The following GRIN2A variants were observed in gnomAD, a reference collection of about 807,000 sequenced individuals.
GRIN2A encodes glutamate receptor ionotropic, NMDA 2A.
GRIN2A carries 22 observed loss-of-function variants against 113.4 expected under a neutral mutation model. The ratio of observed to expected loss-of-function variants is 0.19; its 90% CI spans 0.14 to 0.28. GRIN2A has a LOEUF of 0.28. GRIN2A is among the 10% of genes least tolerant of loss of function. The probability of loss-of-function intolerance (pLI) is 1.00; values close to 1 mark genes in which losing one functional copy is unlikely to be tolerated. For missense variants in GRIN2A, 1,502 were observed against 1,887.0 expected, an observed-to-expected ratio of 0.80 and a Z score of 3.78; for synonymous variants, 827 against 738.4, an observed-to-expected ratio of 1.12 and a Z score of -1.94.
At chr16:10,152,904 G>A (rs1411611101) in intron 2 of GRIN2A, among the ~76,000 whole-genome samples, 1 of 152,192 alleles carries the variant, frequency 6.6e-6, no homozygotes, top group East Asian at 1.9e-4. Context: ...TGGAGACAGT[G>A]AAAAGATCAG....
intron 2 of GRIN2A, among the ~76,000 whole-genome samples, chr16:10,179,117 T>G (rs1022585822): frequency 6.6e-6 from 1 of 152,166 alleles, no homozygotes; most frequent in Admixed American, 6.5e-5. Flanking sequence ...TCTCTCTCCC[T>G]TCTTCTCCAA....
At chr16:10,141,258 A>G (rs1020074213) in intron 2 of GRIN2A, among the ~76,000 whole-genome samples, 2 of 152,082 alleles carry the variant, frequency 1.3e-5, no homozygotes, top group African/African-American at 4.8e-5. Context: ...TGGGAGGATA[A>G]GGTGGGCGGA....
At chr16:9,917,880 A>T (rs1373923127) in intron 3 of GRIN2A, among the ~76,000 whole-genome samples, 1 of 152,216 alleles carries the variant, frequency 6.6e-6, no homozygotes, top group Non-Finnish European at 1.5e-5. Context: ...GTACATTTTT[A>T]AAAATTTTAT....
intron 2 of GRIN2A, among the ~76,000 whole-genome samples, chr16:10,086,837 G>A (rs1461051290): frequency 6.6e-6 from 1 of 152,174 alleles, no homozygotes; most frequent in African/African-American, 2.4e-5. Flanking sequence ...GACACTCATG[G>A]TAAGCTCTTA....
chr16:9,912,600 T>A (rs551628541), intron 3 of GRIN2A, among the ~76,000 whole-genome samples: 3 of 152,222 alleles, frequency 2.0e-5, no homozygotes, highest in Admixed American at 1.3e-4. Flanking sequence ...TATTGCTAGT[T>A]ATGAGTCTGC....
intron 11 of GRIN2A, among the ~76,000 whole-genome samples, chr16:9,783,495 C>T (rs922504719): frequency 6.6e-6 from 1 of 152,226 alleles, no homozygotes; most frequent in Non-Finnish European, 1.5e-5. Context: ...GGAAGCTTAA[C>T]ATTAAAGCTT....
intron 3 of GRIN2A, chr16:9,937,669 G>C: frequency 6.8e-6 from 3 of 438,710 alleles, no homozygotes; most frequent in African/African-American, 6.0e-5. Flanking sequence ...AGATACACTT[G>C]AGATACAGCC....
intron 7 of GRIN2A, among the ~76,000 whole-genome samples, chr16:9,839,896 C>G (rs2042643536): frequency 6.6e-6 from 1 of 151,954 alleles, no homozygotes; most frequent in Non-Finnish European, 1.5e-5. Flanking sequence ...AAAGAACTGC[C>G]CGAGGATCAC....
At chr16:10,054,500 G>T (rs970793877) in intron 2 of GRIN2A, among the ~76,000 whole-genome samples, 1 of 152,186 alleles carries the variant, frequency 6.6e-6, no homozygotes, top group African/African-American at 2.4e-5. Context: ...CTCTGGTGAT[G>T]TTGAAGATGC....
At chr16:10,140,242 C>T (rs1157663131) in intron 2 of GRIN2A, among the ~76,000 whole-genome samples, 1 of 151,906 alleles carries the variant, frequency 6.6e-6, no homozygotes, top group Non-Finnish European at 1.5e-5. Flanking sequence ...TCGATTAGTA[C>T]TTAATTAATG....
intron 4 of GRIN2A, among the ~76,000 whole-genome samples, chr16:9,880,177 A>G (rs2043448699): frequency 6.6e-6 from 1 of 152,060 alleles, no homozygotes; most frequent in African/African-American, 2.4e-5. Context: ...TCCACTTCCA[A>G]GCTCACTCAG....
intron 2 of GRIN2A, among the ~76,000 whole-genome samples, chr16:10,140,732 G>A (rs989999477): frequency 1.3e-5 from 2 of 152,210 alleles, no homozygotes; most frequent in African/African-American, 4.8e-5. Context: ...AAGTGAGGAA[G>A]AGGAGTCCAA....
chr16:10,090,403 T>C (rs1352664401), intron 2 of GRIN2A, among the ~76,000 whole-genome samples: 1 of 152,198 alleles, frequency 6.6e-6, no homozygotes, highest in Admixed American at 6.5e-5. Context: ...AATTGATTTT[T>C]GACAAACATG....
At chr16:10,049,050 G>A (rs199671374) in intron 2 of GRIN2A, among the ~76,000 whole-genome samples, 1 of 152,138 alleles carries the variant, frequency 6.6e-6, no homozygotes, top group East Asian at 1.9e-4. Flanking sequence ...GAGAGCCAGA[G>A]GGGAGGAAAA....
chr16:9,836,317 T>A (rs920069308), intron 7 of GRIN2A, among the ~76,000 whole-genome samples: 4 of 152,236 alleles, frequency 2.6e-5, no homozygotes, highest in Non-Finnish European at 5.9e-5. Flanking sequence ...AACAATACGC[T>A]GTCCATGGTT....
chr16:10,020,536 T>C (rs142800323), intron 2 of GRIN2A, among the ~76,000 whole-genome samples: 16 of 152,162 alleles, frequency 1.1e-4, no homozygotes, highest in African/African-American at 3.9e-4. Context: ...CAGCTGTGTG[T>C]GCAATAAATA....
chr16:10,069,734 G>C (rs1471452263), intron 2 of GRIN2A, among the ~76,000 whole-genome samples: 1 of 152,258 alleles, frequency 6.6e-6, no homozygotes, highest in Admixed American at 6.5e-5. Flanking sequence ...CCCAGGCTGG[G>C]AGGGCTCTTC....
intron 2 of GRIN2A, among the ~76,000 whole-genome samples, chr16:10,145,945 G>A (rs992418696): frequency 1.8e-4 from 28 of 152,186 alleles, no homozygotes; most frequent in Admixed American, 5.9e-4. Context: ...AATAAGAACA[G>A]CATTCAGTTA....
At chr16:9,905,548 T>G (rs2044010124) in intron 3 of GRIN2A, among the ~76,000 whole-genome samples, 1 of 152,202 alleles carries the variant, frequency 6.6e-6, no homozygotes, top group African/African-American at 2.4e-5. Flanking sequence ...GACTGTCTGT[T>G]CTAAACGAAC....
Sources: gnomAD v4.1 joint callset for allele counts (sites outside exome capture counted in the v4.1 genomes callset) on GRCh38, gnomAD v4.1.1 for gene constraint, MANE v1.5 for transcripts, NCBI Gene and HGNC (gene_info 2026-07-23, HGNC 2026-07-21) for gene names.